SERTAD2: variants seen among roughly 807,000 people sequenced by gnomAD.
SERTAD2 encodes the protein SERTA domain-containing protein 2.
In SERTAD2, 2 loss-of-function variants were observed where a neutral mutation model predicts 15.4. The observed-to-expected ratio is 0.13, with a 90% CI of 0.05 to 0.41. SERTAD2 has a LOEUF of 0.41. SERTAD2 is among the 10% of genes least tolerant of loss of function. The probability of loss-of-function intolerance (pLI) is 0.99; values close to 1 mark genes in which losing one functional copy is unlikely to be tolerated. For missense variants in SERTAD2, 333 were observed against 409.7 expected (o/e 0.81, Z 1.62); for synonymous variants, 180 against 178.0 (o/e 1.01, Z -0.09).
chr2:64,638,892 T>G (rs1321986270), intron 1 of SERTAD2, among the ~76,000 whole-genome samples: 2 of 152,342 alleles, frequency 1.3e-5, no homozygotes, highest in East Asian at 3.8e-4. Context: ...CTGTTTAAAC[T>G]TGAAGGTGAA....
In SERTAD2 at chr2:64,636,057, G is replaced by T. The variant is rs780560523; in HGVS notation, c.815C>A (p.Ala272Asp). ...TSSSGTASKM[A>D]PVSADDLLKT... is the part of the protein sequence containing the mutation. The stretch of plus-strand genomic sequence containing the variant: ...GAGGAGGTCGTCGGCAGACACAGGG[G>T]CCATTTTTGAGGCTGTCCCTGATGA... The change falls in exon 2 of 2, where the codon GCC becomes GAC. Residue 272 changes from alanine to aspartate, a missense_variant. Physicochemically the swap from Ala to Asp is moderately radical, Grantham distance 126. This residue lies in a region of SERTAD2 where 332 missense variants were observed against 392.9 expected (regional missense o/e 0.84). Coordinates refer to ENST00000313349, the MANE Select transcript of SERTAD2 (RefSeq NM_014755.3). 14 of 1,614,140 alleles carry T rather than the reference G, an allele frequency of 8.7e-6. No individual in the cohort carries two copies. Among genetic ancestry groups the T allele is most frequent in the Non-Finnish European group, 1.2e-5 (14 of 1,180,026 alleles).
intron 1 of SERTAD2, among the ~76,000 whole-genome samples, chr2:64,648,210 T>C (rs1176042020): frequency 6.6e-6 from 1 of 152,234 alleles, no homozygotes; most frequent in Non-Finnish European, 1.5e-5. Context: ...AACTATTTTA[T>C]GTAATACCTG....
intron 1 of SERTAD2, among the ~76,000 whole-genome samples, chr2:64,649,053 T>A (rs1445523015): frequency 1.3e-5 from 2 of 152,074 alleles, no homozygotes; most frequent in Admixed American, 1.3e-4. Flanking sequence ...GAAAAGCAAA[T>A]CTGTATCACC....
rs780308738 is a variant in SERTAD2 at position 64,636,762 on chromosome 2, C to A, written c.110G>T (p.Arg37Leu). The A allele has an allele frequency of 2.5e-6, 4 of 1,614,002 alleles. No homozygotes were observed. The highest frequency in any genetic ancestry group is 3.4e-6 in the Non-Finnish European group (4 of 1,180,046). ...AAGGGAAATGTTGAAGATAGTCTGGCGCTGTAAGGTGTAAGACACCTTGGA... is the reference window on the plus strand; with the variant it reads ...AAGGGAAATGTTGAAGATAGTCTGGAGCTGTAAGGTGTAAGACACCTTGGA... ...GPSKVSYTLQ[R>L]QTIFNISLMK... Residue 37 changes from arginine (R) to leucine (L), a missense_variant, in exon 2 of 2, where the codon CGC becomes CTC. Physicochemically the swap from Arg to Leu is moderately radical, Grantham distance 102. Transcript: ENST00000313349.
intron 1 of SERTAD2, among the ~76,000 whole-genome samples, chr2:64,653,099 A>G (rs978107309): frequency 1.3e-5 from 2 of 152,230 alleles, no homozygotes; most frequent in Non-Finnish European, 2.9e-5. Context: ...ACGAAAGAAA[A>G]GAGGGTGGAG....
intron 1 of SERTAD2, among the ~76,000 whole-genome samples, chr2:64,642,506 A>C (rs1017001361): frequency 1.3e-5 from 2 of 150,156 alleles, no homozygotes; most frequent in Non-Finnish European, 2.9e-5. Flanking sequence ...CTTTTTAAAA[A>C]TCTTTTTTTT....
In SERTAD2 at chr2:64,636,660, C is replaced by T. The variant is rs986793681; in HGVS notation, c.212G>A (p.Arg71Gln). The change falls in exon 2 of 2, where the codon CGG becomes CAG. Residue 71 changes from arginine (R) to glutamine (Q), a missense_variant. Coordinates refer to ENST00000313349, the MANE Select transcript of SERTAD2 (RefSeq NM_014755.3). ...KTVLINNMLRRIQEELKQEGS... is the reference protein window; with the variant it reads ...KTVLINNMLRQIQEELKQEGS... Reference sequence around the variant, plus strand: ...TTCCTGTTTGAGTTCCTCCTGGATCCGCCTCAACATGTTGTTAATTAAAAC... The same window carrying T: ...TTCCTGTTTGAGTTCCTCCTGGATCTGCCTCAACATGTTGTTAATTAAAAC... 8.1e-6 allele frequency: 13 copies of T among 1,613,960 alleles called. No homozygotes were observed. Among genetic ancestry groups the T allele is most frequent in the East Asian group, 2.2e-5 (1 of 44,872 alleles).
intron 1 of SERTAD2, among the ~76,000 whole-genome samples, chr2:64,642,610 C>T (rs1674798618): frequency 6.6e-6 from 1 of 151,898 alleles, no homozygotes; most frequent in South Asian, 2.1e-4. Context: ...TCCAAACTAC[C>T]ACTTCTGTCA....
In SERTAD2 at chr2:64,632,240, A is replaced by T. The variant is rs1674548370; in HGVS notation, c.*3687T>A. ...GAGTAGCAATTGCTGCACGAAGTAG[A>T]GTCTTTTTTTTTTTTTTTTTTACAT... On this transcript the variant is annotated 3_prime_UTR_variant, in exon 2 of 2. Transcript: ENST00000313349. 1 of 137,912 alleles carries T rather than the reference A, an allele frequency of 7.3e-6. No individual in the cohort carries two copies. Among genetic ancestry groups the T allele is most frequent in the Non-Finnish European group, 1.6e-5 (1 of 64,082 alleles). 8.5% of individuals were successfully genotyped at this position (137,912 alleles called of 1,614,324 possible).
At chr2:64,648,084 G>C (rs1674942537) in intron 1 of SERTAD2, among the ~76,000 whole-genome samples, 1 of 152,106 alleles carries the variant, frequency 6.6e-6, no homozygotes, top group African/African-American at 2.4e-5. Flanking sequence ...GTATTGTACG[G>C]CCTAAACTTG....
chr2:64,641,915 C>T (rs1324061291), intron 1 of SERTAD2, among the ~76,000 whole-genome samples: 1 of 152,204 alleles, frequency 6.6e-6, no homozygotes, highest in Admixed American at 6.5e-5. Flanking sequence ...GGCCCCACCT[C>T]CCATATTTCT....
At chr2:64,639,969 A>C (rs1199650515) in intron 1 of SERTAD2, among the ~76,000 whole-genome samples, 1 of 151,942 alleles carries the variant, frequency 6.6e-6, no homozygotes. Flanking sequence ...GAACAGACAC[A>C]CACACCAAAT....
intron 1 of SERTAD2, among the ~76,000 whole-genome samples, chr2:64,639,806 T>G (rs1317682724): frequency 6.6e-6 from 1 of 152,234 alleles, no homozygotes; most frequent in Non-Finnish European, 1.5e-5. Context: ...CAGAAGGATT[T>G]CAATGTGAGA....
intron 1 of SERTAD2, among the ~76,000 whole-genome samples, chr2:64,643,084 C>G (rs899753226): frequency 6.6e-6 from 1 of 152,186 alleles, no homozygotes; most frequent in Admixed American, 6.5e-5. Flanking sequence ...AGTGGAGACA[C>G]CTGGTCCTGC....
intron 1 of SERTAD2, among the ~76,000 whole-genome samples, chr2:64,642,786 G>C (rs1359290414): frequency 6.6e-6 from 1 of 152,176 alleles, no homozygotes; most frequent in Non-Finnish European, 1.5e-5. Context: ...AGACCACCAA[G>C]GCTGGCTTGC....
At chr2:64,642,765 G>A (rs2104345508) in intron 1 of SERTAD2, among the ~76,000 whole-genome samples, 1 of 152,238 alleles carries the variant, frequency 6.6e-6, no homozygotes, top group African/African-American at 2.4e-5. Flanking sequence ...GCCGCACAGG[G>A]AGCCCTCCTC....
At chr2:64,651,046 A>C (rs899093748) in intron 1 of SERTAD2, among the ~76,000 whole-genome samples, 4 of 152,264 alleles carry the variant, frequency 2.6e-5, no homozygotes, top group African/African-American at 9.6e-5. Flanking sequence ...TCTGTTGCCA[A>C]GAAGCTTTAA....
intron 1 of SERTAD2, among the ~76,000 whole-genome samples, chr2:64,647,032 T>G (rs1674916911): frequency 6.6e-6 from 1 of 152,236 alleles, no homozygotes; most frequent in South Asian, 2.1e-4. Flanking sequence ...CAGATACTGC[T>G]TCAGGCAGTT....
chr2:64,636,191 C>T lies in SERTAD2; in HGVS notation c.681G>A (p.Gly227=). ...CCGTGGACGTCGTTATTTCAAAATTCCCAGGCAGAGAGTCCATCAGTTTTG... is the reference window on the plus strand; with the variant it reads ...CCGTGGACGTCGTTATTTCAAAATTTCCAGGCAGAGAGTCCATCAGTTTTG... The part of the protein sequence containing the change: ...DDSKLMDSLP[G]NFEITTSTGF... Residue 227 remains glycine (G), a synonymous_variant, in exon 2 of 2, where the codon GGG becomes GGA. Coordinates refer to ENST00000313349, the MANE Select transcript of SERTAD2 (RefSeq NM_014755.3). 1.2e-6 allele frequency: 2 copies of T among 1,614,174 alleles called. No individual in the cohort carries two copies. Among genetic ancestry groups the T allele is most frequent in the Non-Finnish European group, 8.5e-7 (1 of 1,180,030 alleles).
Sources: gnomAD v4.1 joint callset for allele counts (sites outside exome capture counted in the v4.1 genomes callset) on GRCh38, gnomAD v4.1.1 for gene constraint, gnomAD v4.1.1 regional missense constraint, MANE v1.5 for transcripts, NCBI Gene and HGNC (gene_info 2026-07-23, HGNC 2026-07-21) for gene names.